Variants in UCMA observed in about 807,000 individuals in gnomAD.
The protein encoded by UCMA is upper zone of growth plate and cartilage matrix-associated protein.
UCMA carries 21 observed loss-of-function variants against 21.8 expected under a neutral mutation model. The observed-to-expected ratio is 0.97, with a 90% confidence interval of 0.68 to 1.39. The LOEUF is 1.39. UCMA is among the 40% of genes most tolerant of loss of function. The pLI is 0.00. For synonymous variants in UCMA, 76 were observed against 67.9 expected (o/e 1.12, Z -0.58); for missense variants, 193 against 178.9 (o/e 1.08, Z -0.45).
At chr10:13,227,743 T>TACACACACACACACACACACAC (rs55831241) in intron 4 of UCMA, among the ~76,000 whole-genome samples, 6 of 110,676 alleles carry the variant, frequency 5.4e-5, no homozygotes, top group Non-Finnish European at 8.7e-5. Flanking sequence ...GGAAAGGAAA[T>TACACACACACACACACACACAC]ACACACACAC....
At chr10:13,233,398 G>T in intron 3 of UCMA, 140 bp downstream of exon 3, 1 of 688,000 alleles carries the variant, frequency 1.5e-6, no homozygotes, top group Non-Finnish European at 2.6e-6. Flanking sequence ...ATTCAGAGCT[G>T]CAGTCCCTTT....
chr10:13,223,466 C>G (rs887460697), intron 4 of UCMA, among the ~76,000 whole-genome samples: 1 of 152,098 alleles, frequency 6.6e-6, no homozygotes, highest in African/African-American at 2.4e-5. Context: ...CATGGACAAA[C>G]CTTAAAAATA....
At chr10:13,231,063 T>TAA (rs1328746365) in intron 3 of UCMA, among the ~76,000 whole-genome samples, 1 of 107,512 alleles carries the variant, frequency 9.3e-6, no homozygotes, top group Non-Finnish European at 1.9e-5. Context: ...AATAAATAAA[T>TAA]AAACAAACAA....
At chr10:13,224,911 G>T (rs1433313120) in intron 4 of UCMA, among the ~76,000 whole-genome samples, 1 of 152,188 alleles carries the variant, frequency 6.6e-6, no homozygotes, top group African/African-American at 2.4e-5. Context: ...CCCAGGGGCA[G>T]CCTGGAGCTC....
At chr10:13,225,401 G>C (rs1043677048) in intron 4 of UCMA, among the ~76,000 whole-genome samples, 1 of 151,692 alleles carries the variant, frequency 6.6e-6, no homozygotes, top group Non-Finnish European at 1.5e-5. Flanking sequence ...CGGGGCGGGG[G>C]CGGGGGCTCA....
chr10:13,229,080 T>C (rs1011638428), intron 4 of UCMA, among the ~76,000 whole-genome samples: 1 of 151,876 alleles, frequency 6.6e-6, no homozygotes, highest in Non-Finnish European at 1.5e-5. Context: ...GGGTTACAGG[T>C]GCCCGCCACC....
At chr10:13,229,535 G>T in intron 4 of UCMA, 76 bp downstream of exon 4, 2 of 1,316,446 alleles carry the variant, frequency 1.5e-6, no homozygotes, top group Non-Finnish European at 2.1e-6. Context: ...AAGTTGGGTA[G>T]AAGAAGAGAA....
At position 13,227,087 on chromosome 10, in the gene UCMA, G is replaced by C. The variant is rs529892776; in HGVS notation, c.319+2524C>G. Among the ~76,000 whole-genome samples, 48 of 152,106 alleles carry C rather than the reference G, an allele frequency of 3.2e-4. No individual in the cohort carries two copies. In the South Asian group the frequency reaches 3.7e-3, roughly 12 times the overall value. ...AAGTGTGTGCTTCCAAGCTGTGATGGCCTGAAGTTTTCCCAGTATGTTCCT... is the reference window on the plus strand; with the variant it reads ...AAGTGTGTGCTTCCAAGCTGTGATGCCCTGAAGTTTTCCCAGTATGTTCCT... On this transcript the variant is annotated intron_variant, in intron 4 of 4. Transcript: ENST00000378681.
intron 4 of UCMA, among the ~76,000 whole-genome samples, chr10:13,225,741 C>A (rs1284691011): frequency 6.6e-6 from 1 of 151,116 alleles, no homozygotes; most frequent in Non-Finnish European, 1.5e-5. Context: ...AGGGTCCTGA[C>A]TGACAGGTAT....
At chr10:13,225,673 CAAAAA>C (rs397728212) in intron 4 of UCMA, among the ~76,000 whole-genome samples, 1 of 107,042 alleles carries the variant, frequency 9.3e-6, no homozygotes, top group African/African-American at 3.8e-5. Flanking sequence ...GATTCCATCT[CAAAAA>C]AAAAAAAAAA....
rs758349686 is a variant in UCMA at position 13,229,678 on chromosome 10, CT to C, written c.251del (p.Glu84GlyfsTer124). 1.9e-6 allele frequency: 3 copies of C among 1,614,114 alleles called. No homozygotes were observed. The Admixed American group carries it at 5.0e-5, about 27-fold the overall frequency. ...GTTCCTCGTAATATTCTCTCCGCAG[CT>C]CATCAACCCGAAGCTTCTGCCTGTT... is the stretch of plus-strand genomic sequence containing the variant. ...VENRQKLRVD[E>X]LRREYYEEQR... On this transcript the variant is annotated frameshift_variant, in exon 4 of 5. Coordinates refer to ENST00000378681, the MANE Select transcript of UCMA (RefSeq NM_145314.3). LOFTEE classifies it high-confidence loss of function.
In UCMA at chr10:13,222,161, C is replaced by T. The variant is rs760253387; in HGVS notation, c.359G>A (p.Arg120His). ...ERSREAVEQW[R>H]QWHYDGLHPS... is the part of the protein sequence containing the mutation. ...GTGCAGGCCGTCATAGTGCCACTGG[C>T]GCCACTGCTCCACAGCCTCCCGGCT... Residue 120 changes from arginine (R) to histidine (H), a missense_variant, in exon 5 of 5, where the codon CGC becomes CAC. By Grantham distance (29) the Arg-to-His change is conservative. Coordinates refer to ENST00000378681, the MANE Select transcript of UCMA (RefSeq NM_145314.3). 124 of 1,613,974 alleles carry T rather than the reference C, an allele frequency of 7.7e-5. No homozygotes were observed. The highest frequency in any genetic ancestry group is 3.3e-4 in the Middle Eastern group (2 of 6,084).
intron 3 of UCMA, 52 bp from the exon 4 acceptor site, chr10:13,229,761 G>A (rs765426204): frequency 6.7e-7 from 1 of 1,493,368 alleles, no homozygotes; most frequent in South Asian, 1.1e-5. Flanking sequence ...GGACACTTAG[G>A]GGCACACACT....
At chr10:13,225,673 C>A (rs925732414) in intron 4 of UCMA, among the ~76,000 whole-genome samples, 772 of 106,808 alleles carry the variant, frequency 7.2e-3, no homozygotes, top group Admixed American at 7.6e-3. Flanking sequence ...GATTCCATCT[C>A]AAAAAAAAAA....
At chr10:13,233,413 C>A (rs1418609165) in intron 3 of UCMA, 125 bp downstream of exon 3, 4 of 740,720 alleles carry the variant, frequency 5.4e-6, no homozygotes, top group Non-Finnish European at 4.7e-6. Context: ...CCCTTTGATA[C>A]CCTGGGGTGA....
intron 4 of UCMA, among the ~76,000 whole-genome samples, chr10:13,222,827 C>T (rs1420384724): frequency 6.6e-6 from 1 of 151,652 alleles, no homozygotes; most frequent in Non-Finnish European, 1.5e-5. Flanking sequence ...TTCACCATGC[C>T]TGGCTAATTT....
At chr10:13,227,714 CAAAA>C (rs56236207) in intron 4 of UCMA, among the ~76,000 whole-genome samples, 11 of 53,552 alleles carry the variant, frequency 2.1e-4, no homozygotes, top group Admixed American at 5.0e-4. Context: ...GAGACTGTCT[CAAAA>C]AAAAAAAAAA....
At chr10:13,222,656 T>G (rs950170077) in intron 4 of UCMA, among the ~76,000 whole-genome samples, 1 of 152,072 alleles carries the variant, frequency 6.6e-6, no homozygotes, top group South Asian at 2.1e-4. Context: ...TCCTCCATAC[T>G]GTTCTGAATT....
intron 3 of UCMA, among the ~76,000 whole-genome samples, chr10:13,232,004 T>C (rs11258278): frequency 0.026 from 3,969 of 152,266 alleles, 136 homozygotes; most frequent in East Asian, 0.18. Context: ...CCATGACTAA[T>C]TGACACACTG....
Sources: allele counts gnomAD v4.1 joint callset (sites outside exome capture counted in the v4.1 genomes callset), GRCh38; gene constraint gnomAD v4.1.1; transcripts MANE v1.5; gene names NCBI Gene and HGNC (gene_info 2026-07-23, HGNC 2026-07-21).